The following HMCN1 variants were observed in gnomAD, a reference collection of about 807,000 sequenced individuals.
The protein encoded by HMCN1 is hemicentin-1.
A neutral mutation model predicts 625.9 loss-of-function variants in HMCN1; 321 were observed. That is an observed-to-expected ratio of 0.51 (90% CI 0.47 to 0.56). HMCN1 has a LOEUF of 0.56. Ranked by LOEUF, HMCN1 falls within the 20% of genes least tolerant of loss-of-function variation. The probability of loss-of-function intolerance (pLI) is 0.00; values close to 1 mark genes in which losing one functional copy is unlikely to be tolerated. For synonymous variants in HMCN1, 2,425 were observed against 2,417.6 expected, an observed-to-expected ratio of 1.00 and a Z score of -0.09; for missense variants, 6,588 against 6,887.3, an observed-to-expected ratio of 0.96 and a Z score of 1.54.
chr1:185,832,073 A>G (rs1571417254), intron 1 of HMCN1, among the ~76,000 whole-genome samples: 1 of 152,094 alleles, frequency 6.6e-6, no homozygotes, highest in Admixed American at 6.6e-5. Flanking sequence ...AGGCAGGTGG[A>G]TCTCTTGAGG....
chr1:186,034,311 A>G (rs1219567981), intron 36 of HMCN1, among the ~76,000 whole-genome samples: 1 of 152,190 alleles, frequency 6.6e-6, no homozygotes, highest in African/African-American at 2.4e-5. Context: ...CAGTCAGGCC[A>G]TGTTGGACTT....
chr1:185,918,951 G>A (rs1666862801), intron 6 of HMCN1, among the ~76,000 whole-genome samples: 1 of 151,904 alleles, frequency 6.6e-6, no homozygotes, highest in South Asian at 2.1e-4. Flanking sequence ...ATTCTGTGGT[G>A]GAAAGGTGCT....
chr1:186,172,144 C>T lies in HMCN1; in HGVS notation c.15814+13C>T. ...GGAACCTGTATTGGTGAGTGTCTGGCTGTTTCCGTGACTGAGATCAGTTTG... is the reference window on the plus strand; with the variant it reads ...GGAACCTGTATTGGTGAGTGTCTGGTTGTTTCCGTGACTGAGATCAGTTTG... On this transcript the variant is annotated intron_variant, in intron 102 of 106. Coordinates refer to ENST00000271588, the MANE Select transcript of HMCN1 (RefSeq NM_031935.3). 1 of 1,613,328 alleles carries T rather than the reference C, an allele frequency of 6.2e-7. No individual in the cohort carries two copies. Among genetic ancestry groups the T allele is most frequent in the Non-Finnish European group, 8.5e-7 (1 of 1,179,422 alleles).
chr1:186,115,891 A>G (rs1374375071), intron 75 of HMCN1, among the ~76,000 whole-genome samples: 3 of 151,172 alleles, frequency 2.0e-5, no homozygotes, highest in Admixed American at 6.6e-5. Flanking sequence ...CTTTAATACC[A>G]TAGCTCATAA....
rs920649913 is a variant in HMCN1, at chr1:185,995,229, G to A, written c.3778+142G>A. The A allele has an allele frequency of 5.4e-6, 4 of 745,724 alleles. No homozygotes were observed. In the African/African-American group the frequency reaches 7.1e-5, roughly 13 times the overall value. The allele number at this position is 745,724 out of a possible 1,614,324, so 46.2% of individuals were successfully genotyped here. A position where few individuals can be genotyped will look rare whatever the true frequency, so the allele number is the denominator to read the frequency against. The stretch of plus-strand genomic sequence containing the variant: ...CTTTTGTGACTCTTTAACTTTGAAA[G>A]AACCATTCCCAAAAGAAATGAAACA... On this transcript the variant is annotated intron_variant, in intron 24 of 106. Transcript: ENST00000271588.
chr1:185,806,792 T>C (rs995836669), intron 1 of HMCN1, among the ~76,000 whole-genome samples: 10 of 152,142 alleles, frequency 6.6e-5, no homozygotes, highest in Admixed American at 6.5e-4. Flanking sequence ...TATGAAAGAA[T>C]TTATAAAATG....
intron 64 of HMCN1, among the ~76,000 whole-genome samples, chr1:186,091,494 T>A (rs1180055833): frequency 1.3e-5 from 2 of 152,008 alleles, no homozygotes; most frequent in Non-Finnish European, 2.9e-5. Flanking sequence ...CTATCCTGAT[T>A]GGCTCATTTT....
At chr1:185,933,236 CTT>C (rs1047129562) in intron 10 of HMCN1, among the ~76,000 whole-genome samples, 80 of 152,218 alleles carry the variant, frequency 5.3e-4, no homozygotes, top group African/African-American at 1.8e-3. Flanking sequence ...TCTATAAAAA[CTT>C]TGCCTCCTTT....
At chr1:186,070,816 A>C in intron 52 of HMCN1, 59 bp downstream of exon 52, 1 of 1,509,636 alleles carries the variant, frequency 6.6e-7, no homozygotes, top group South Asian at 1.1e-5. Context: ...TGGTCAATTG[A>C]AAAGAAATAA....
chr1:185,818,608 C>T (rs183209189), intron 1 of HMCN1, among the ~76,000 whole-genome samples: 1 of 151,776 alleles, frequency 6.6e-6, no homozygotes, highest in South Asian at 2.1e-4. Flanking sequence ...TTTTATTAAC[C>T]CTGAGATTTT....
chr1:185,996,755 G>C (rs1004533477), intron 24 of HMCN1, among the ~76,000 whole-genome samples: 5 of 152,030 alleles, frequency 3.3e-5, no homozygotes, highest in Non-Finnish European at 7.4e-5. Flanking sequence ...AGGAGATAGA[G>C]TTCTCAAGAA....
chr1:186,065,369 A>T lies in HMCN1; in HGVS notation c.7645A>T (p.Thr2549Ser), dbSNP rs753619725. 4 of 1,611,780 alleles carry T rather than the reference A, an allele frequency of 2.5e-6. No homozygotes were observed. In the East Asian group the frequency reaches 8.9e-5, roughly 36 times the overall value. The change falls in exon 49 of 107, where the codon ACA becomes TCA. Residue 2549 changes from threonine to serine, a missense_variant. Physicochemically the swap from Thr to Ser is moderately conservative, Grantham distance 58. Transcript: ENST00000271588. ...NVQVPHTGRY[T>S]CLASSPAGHK... ...CCAGGTGCCACACACTGGAAGATAT[A>T]CATGTTTGGCTTCCAGTCCAGCTGG...
chr1:185,736,431 G>T (rs1449788765), intron 1 of HMCN1, among the ~76,000 whole-genome samples: 3 of 152,172 alleles, frequency 2.0e-5, no homozygotes, highest in Non-Finnish European at 4.4e-5. Context: ...TAAATGTCAA[G>T]ATGCCAACTG....
chr1:185,888,001 T>C (rs1664781493), intron 4 of HMCN1, among the ~76,000 whole-genome samples: 1 of 140,918 alleles, frequency 7.1e-6, no homozygotes, highest in Non-Finnish European at 1.5e-5. Flanking sequence ...ATTGCCATTC[T>C]AACTGGTGTG....
rs1651863836 is a variant in HMCN1 at position 186,166,154 on chromosome 1, T to C, written c.15320-30T>C. The C allele has an allele frequency of 1.9e-6, 3 of 1,613,278 alleles. No individual in the cohort carries two copies. The African/African-American group carries it at 4.0e-5, about 22-fold the overall frequency. On this transcript the variant is annotated intron_variant, in intron 98 of 106. Coordinates refer to ENST00000271588, the MANE Select transcript of HMCN1 (RefSeq NM_031935.3). Reference sequence around the variant, plus strand: ...CCCAGAAAGTAAGGATTTTACATACTGATTTGGGCCTTTTTGTTTCTTCTT... The same window carrying C: ...CCCAGAAAGTAAGGATTTTACATACCGATTTGGGCCTTTTTGTTTCTTCTT...
Position 186,081,305 on chromosome 1 carries a change from C to G in HMCN1, c.8698C>G (p.Pro2900Ala). 3 of 1,613,546 alleles carry G rather than the reference C, an allele frequency of 1.9e-6. No individual in the cohort carries two copies. The Middle Eastern group carries it at 5.0e-4, about 267-fold the overall frequency. ...GATAGAGTGTTTATCCAGTGGCAGC[C>G]CAGCACCAAGGAATTCCTGGCAGAA... ...ALIECLSSGS[P>A]APRNSWQKDG... Residue 2900 changes from proline to alanine, a missense_variant, in exon 56 of 107, where the codon CCA becomes GCA. By Grantham distance (27) the Pro-to-Ala change is conservative. Around this residue, in one of 3 missense-constraint regions of HMCN1, gnomAD observed 4,628 missense variants for 4,853.1 expected, o/e 0.95. Coordinates refer to ENST00000271588, the MANE Select transcript of HMCN1 (RefSeq NM_031935.3).
chr1:186,181,413 G>C (rs1387575920), intron 104 of HMCN1, among the ~76,000 whole-genome samples: 1 of 152,020 alleles, frequency 6.6e-6, no homozygotes, highest in Non-Finnish European at 1.5e-5. Context: ...TCATGGCTTT[G>C]TTTAATAATA....
chr1:185,890,296 G>A (rs1664978044), intron 4 of HMCN1, among the ~76,000 whole-genome samples: 1 of 148,062 alleles, frequency 6.8e-6, no homozygotes, highest in Non-Finnish European at 1.5e-5. Context: ...AAGGTTTTTT[G>A]TGTCTCAATT....
At chr1:185,794,250 C>A (rs930603600) in intron 1 of HMCN1, among the ~76,000 whole-genome samples, 13 of 151,956 alleles carry the variant, frequency 8.6e-5, no homozygotes, top group Non-Finnish European at 8.8e-5. Context: ...CGCTCTCAGG[C>A]CCCAATTATG....
Sources: allele counts gnomAD v4.1 joint callset (sites outside exome capture counted in the v4.1 genomes callset), GRCh38; gene constraint gnomAD v4.1.1; regional missense constraint gnomAD v4.1.1; transcripts MANE v1.5; gene names NCBI Gene and HGNC (gene_info 2026-07-23, HGNC 2026-07-21).